The following LDB2 variants were observed in gnomAD, a reference collection of about 807,000 sequenced individuals.
The protein encoded by LDB2 is LIM domain binding 2.
LDB2 carries 12 observed loss-of-function variants against 44.3 expected under a neutral mutation model. The ratio of observed to expected loss-of-function variants is 0.27; its 90% CI spans 0.17 to 0.44. LDB2 has a LOEUF of 0.44. Ranked by LOEUF, LDB2 falls within the 20% of genes least tolerant of loss-of-function variation. LDB2 has a pLI of 1.00. For synonymous variants in LDB2, 164 were observed against 174.8 expected (o/e 0.94, Z 0.49); for missense variants, 344 against 473.5 (o/e 0.73, Z 2.54).
chr4:16,609,444 C>T (rs1725004904), intron 2 of LDB2, among the ~76,000 whole-genome samples: 1 of 152,140 alleles, frequency 6.6e-6, no homozygotes, highest in Non-Finnish European at 1.5e-5. Context: ...GGACTCACAG[C>T]TGCCTAAGCT....
intron 2 of LDB2, among the ~76,000 whole-genome samples, chr4:16,720,986 C>T (rs1197414598): frequency 1.3e-5 from 2 of 152,134 alleles, no homozygotes; most frequent in Non-Finnish European, 2.9e-5. Context: ...GTTCAAGTCA[C>T]TTGACAGGGA....
At chr4:16,544,213 C>T (rs190436199) in intron 5 of LDB2, among the ~76,000 whole-genome samples, 119 of 152,188 alleles carry the variant, frequency 7.8e-4, no homozygotes, top group African/African-American at 2.6e-3. Flanking sequence ...GGAGAAAAGA[C>T]GGGAGAGGAG....
At chr4:16,737,195 C>T (rs1252553465) in intron 2 of LDB2, among the ~76,000 whole-genome samples, 1 of 151,684 alleles carries the variant, frequency 6.6e-6, no homozygotes, top group Non-Finnish European at 1.5e-5. Context: ...AAATGTAAAA[C>T]CTATATTTTA....
intron 2 of LDB2, among the ~76,000 whole-genome samples, chr4:16,624,436 TA>T (rs1397575823): frequency 6.6e-6 from 1 of 152,098 alleles, no homozygotes; most frequent in Admixed American, 6.5e-5. Context: ...AAACAAAAAA[TA>T]AAAAATATAT....
chr4:16,843,318 T>C (rs575255718), intron 1 of LDB2, among the ~76,000 whole-genome samples: 1 of 152,348 alleles, frequency 6.6e-6, no homozygotes, highest in African/African-American at 2.4e-5. Flanking sequence ...TAAGAAGGCA[T>C]TTTCTCTGTG....
chr4:16,788,721 G>T, intron 1 of LDB2, among the ~76,000 whole-genome samples: 1 of 152,236 alleles, frequency 6.6e-6, no homozygotes, highest in East Asian at 1.9e-4. Flanking sequence ...AAGGAAGGTA[G>T]GAAAGAAGTG....
intron 1 of LDB2, among the ~76,000 whole-genome samples, chr4:16,796,151 G>A (rs1475030396): frequency 6.6e-6 from 1 of 152,084 alleles, no homozygotes; most frequent in East Asian, 1.9e-4. Flanking sequence ...AGCCCGTCAT[G>A]GTGGTGTCGT....
chr4:16,824,028 G>C (rs1477227105), intron 1 of LDB2, among the ~76,000 whole-genome samples: 1 of 152,230 alleles, frequency 6.6e-6, no homozygotes, highest in East Asian at 1.9e-4. Flanking sequence ...GCACTGCAAA[G>C]TGATACTATA....
chr4:16,629,523 G>C (rs1382137701), intron 2 of LDB2, among the ~76,000 whole-genome samples: 2 of 152,084 alleles, frequency 1.3e-5, no homozygotes, highest in Non-Finnish European at 2.9e-5. Context: ...AACTCCAGCA[G>C]ACCTGCAGCT....
rs1182245627 is a variant in LDB2 at position 16,882,693 on chromosome 4, ATGTT to A, written c.132+15657_132+15660del. 3.3e-5 allele frequency among the ~76,000 whole-genome samples: 5 copies of A among 152,340 alleles called. No individual in the cohort carries two copies. In the East Asian group the frequency reaches 9.6e-4, roughly 29 times the overall value. ...TGGAAATATAATAAACTATATTTTA[ATGTT>A]TATTTGTTTCAAATACAGTATTTTT... On this transcript the variant is annotated intron_variant, in intron 1 of 7. Transcript: ENST00000304523.
intron 2 of LDB2, among the ~76,000 whole-genome samples, chr4:16,695,929 T>C (rs1752030018): frequency 6.6e-6 from 1 of 152,206 alleles, no homozygotes; most frequent in Non-Finnish European, 1.5e-5. Flanking sequence ...AGTTTCCCAC[T>C]TCCAGGATTA....
chr4:16,632,920 A>G (rs1007998247), intron 2 of LDB2, among the ~76,000 whole-genome samples: 2 of 152,234 alleles, frequency 1.3e-5, no homozygotes, highest in Admixed American at 1.3e-4. Flanking sequence ...CATTTGACCC[A>G]GCCATCCCAT....
At chr4:16,650,125 A>G (rs911730448) in intron 2 of LDB2, among the ~76,000 whole-genome samples, 25 of 152,192 alleles carry the variant, frequency 1.6e-4, no homozygotes, top group Admixed American at 1.6e-3. Flanking sequence ...TCTGGAATCA[A>G]CATGCCTAAT....
At chr4:16,738,070 T>C (rs1017200447) in intron 2 of LDB2, among the ~76,000 whole-genome samples, 1 of 152,226 alleles carries the variant, frequency 6.6e-6, no homozygotes, top group African/African-American at 2.4e-5. Context: ...AATCACATTC[T>C]GTTTAGTAAA....
chr4:16,811,767 C>T lies in LDB2; in HGVS notation c.133-52507G>A, dbSNP rs537989738. ...ATTGGGGAAGACTACTATAAAAATGCGGTTAGTAAATGCTGGTAAAAAGAG... is the reference window on the plus strand; with the variant it reads ...ATTGGGGAAGACTACTATAAAAATGTGGTTAGTAAATGCTGGTAAAAAGAG... On this transcript the variant is annotated intron_variant, in intron 1 of 7. Coordinates refer to ENST00000304523, the MANE Select transcript of LDB2 (RefSeq NM_001290.5). 1.1e-4 allele frequency among the ~76,000 whole-genome samples: 16 copies of T among 152,162 alleles called. No individual in the cohort carries two copies. In the South Asian group the frequency reaches 1.7e-3, roughly 16 times the overall value.
intron 3 of LDB2, among the ~76,000 whole-genome samples, chr4:16,592,480 ATATATATATATATATATAT>A (rs1197372531): frequency 1.6e-5 from 2 of 128,874 alleles, no homozygotes; most frequent in East Asian, 4.7e-4. Flanking sequence ...ATATATATAT[ATATATATATATATATATAT>A]ATATATACAC....
At chr4:16,641,373 C>T (rs1048222810) in intron 2 of LDB2, among the ~76,000 whole-genome samples, 5 of 152,088 alleles carry the variant, frequency 3.3e-5, no homozygotes, top group East Asian at 1.9e-4. Context: ...CTCAGGGGCA[C>T]GGTAACTGTG....
intron 2 of LDB2, among the ~76,000 whole-genome samples, chr4:16,652,319 A>C (rs1359177991): frequency 6.6e-6 from 1 of 152,210 alleles, no homozygotes; most frequent in Non-Finnish European, 1.5e-5. Context: ...AGCACATGAA[A>C]CTAAAAAATC....
chr4:16,655,388 C>T (rs1739483734), intron 2 of LDB2, among the ~76,000 whole-genome samples: 1 of 152,138 alleles, frequency 6.6e-6, no homozygotes, highest in South Asian at 2.1e-4. Flanking sequence ...GTGGCAGGAT[C>T]AGAGTTTAAT....
Sources: allele counts gnomAD v4.1 joint callset (sites outside exome capture counted in the v4.1 genomes callset), GRCh38; gene constraint gnomAD v4.1.1; transcripts MANE v1.5; gene names NCBI Gene and HGNC (gene_info 2026-07-23, HGNC 2026-07-21).